Variants in BRWD1 observed in about 807,000 individuals in gnomAD.
BRWD1 encodes bromodomain and WD repeat-containing protein 1.
BRWD1 carries 82 observed loss-of-function variants against 251.2 expected under a neutral mutation model. That is an observed-to-expected ratio of 0.33 (90% CI 0.27 to 0.39). The LOEUF (loss-of-function observed/expected upper bound fraction) is 0.39, where lower values mean the gene tolerates loss of function less well. BRWD1 is among the 10% of genes least tolerant of loss of function. The pLI is 1.00. For missense variants in BRWD1, 2,233 were observed against 2,711.6 expected (o/e 0.82, Z 3.92); for synonymous variants, 918 against 902.8 (o/e 1.02, Z -0.30).
In BRWD1 at chr21:39,313,554, G is replaced by A. The variant is rs1296976172; in HGVS notation, c.-63C>T. The stretch of plus-strand genomic sequence containing the variant: ...AGCGGAGCGTGTAGGCCGCGCCGAG[G>A]CCTGACCGGGCTGGCGTCCCCTCTT... On this transcript the variant is annotated 5_prime_UTR_variant, in exon 1 of 41. Coordinates refer to ENST00000342449, the MANE Select transcript of BRWD1 (RefSeq NM_033656.4). 4.8e-6 allele frequency: 6 copies of A among 1,259,286 alleles called. No homozygotes were observed. Among genetic ancestry groups the A allele is most frequent in the Admixed American group, 8.5e-5 (2 of 23,478 alleles). The allele number at this position is 1,259,286 out of a possible 1,614,324, so 78.0% of individuals were successfully genotyped here. A position where few individuals can be genotyped will look rare whatever the true frequency, so the allele number is the denominator to read the frequency against.
In BRWD1 at chr21:39,198,923, A is replaced by C. The variant is rs756387695; in HGVS notation, c.5493T>G (p.Asp1831Glu). 5 of 1,613,928 alleles carry C rather than the reference A, an allele frequency of 3.1e-6. No individual in the cohort carries two copies. The highest frequency in any genetic ancestry group is 4.2e-6 in the Non-Finnish European group (5 of 1,180,018). The change falls in exon 40 of 41, where the codon GAT becomes GAG. Residue 1831 changes from aspartate to glutamate, a missense_variant. By Grantham distance (45) the Asp-to-Glu change is conservative (BLOSUM62 2). Transcript: ENST00000342449. ...TTTTATGACATTTCCCATCTTCTCT[A>C]TCTTGCTCTTCAGATTCAGAGTCTT... Reference protein sequence around the residue: ...DSEDSESEEQDREDGKCHKME... With the variant: ...DSEDSESEEQEREDGKCHKME...
At chr21:39,258,924 GCATGGAAA>G (rs1217348858) in intron 17 of BRWD1, among the ~76,000 whole-genome samples, 1 of 152,122 alleles carries the variant, frequency 6.6e-6, no homozygotes, top group African/African-American at 2.4e-5. Flanking sequence ...GCAAGTGGAA[GCATGGAAA>G]CATATTTCTG....
chr21:39,226,795 T>C (rs7276914), intron 27 of BRWD1, among the ~76,000 whole-genome samples: 2,327 of 152,282 alleles, frequency 0.015, 59 homozygotes, highest in African/African-American at 0.053. Context: ...TTAGGGACTT[T>C]ATCTAAAATT....
At chr21:39,257,343 A>G (rs2034592684) in intron 18 of BRWD1, among the ~76,000 whole-genome samples, 2 of 152,192 alleles carry the variant, frequency 1.3e-5, no homozygotes, top group East Asian at 3.8e-4. Flanking sequence ...CTGAGGACAT[A>G]GCATCAACTA....
At chr21:39,310,614 ATT>A (rs796581302) in intron 4 of BRWD1, among the ~76,000 whole-genome samples, 16 of 151,368 alleles carry the variant, frequency 1.1e-4, no homozygotes, top group African/African-American at 2.9e-4. Flanking sequence ...AAAAAAAAAA[ATT>A]ATTATTATTC....
At chr21:39,242,215 T>C (rs757866490) in intron 21 of BRWD1, among the ~76,000 whole-genome samples, 6 of 152,208 alleles carry the variant, frequency 3.9e-5, no homozygotes, top group Non-Finnish European at 8.8e-5. Flanking sequence ...CCAAGAAATA[T>C]AAAATGCTAT....
At chr21:39,245,729 A>G (rs1274896388) in intron 21 of BRWD1, among the ~76,000 whole-genome samples, 8 of 151,716 alleles carry the variant, frequency 5.3e-5, no homozygotes, top group Non-Finnish European at 1.5e-5. Context: ...CCTCCCAAAT[A>G]GCTGGGATCA....
At chr21:39,203,205 C>A (rs1276446150) in intron 37 of BRWD1, among the ~76,000 whole-genome samples, 2 of 152,134 alleles carry the variant, frequency 1.3e-5, no homozygotes, top group African/African-American at 4.8e-5. Context: ...AATCCCAGCA[C>A]TTTAGGAGGC....
chr21:39,280,930 A>T (rs1332194486), intron 8 of BRWD1, among the ~76,000 whole-genome samples: 1 of 152,240 alleles, frequency 6.6e-6, no homozygotes, highest in Non-Finnish European at 1.5e-5. Flanking sequence ...TAAAATACCA[A>T]AAGTGCTAAA....
chr21:39,296,696 G>T (rs2035970278), intron 5 of BRWD1: 3 of 874,730 alleles, frequency 3.4e-6, no homozygotes, highest in Non-Finnish European at 1.4e-6. Flanking sequence ...GAGGCTCAAA[G>T]GTTCCAGGAC....
chr21:39,250,709 A>C (rs1383894699), intron 20 of BRWD1, 87 bp downstream of exon 20: 2 of 840,138 alleles, frequency 2.4e-6, no homozygotes, highest in Non-Finnish European at 3.7e-6. Context: ...CTTCAGATGA[A>C]AGTTACTGAT....
chr21:39,222,523 C>T (rs1203017385), intron 29 of BRWD1, among the ~76,000 whole-genome samples: 1 of 152,108 alleles, frequency 6.6e-6, no homozygotes, highest in Non-Finnish European at 1.5e-5. Context: ...GTCAAATGGA[C>T]ATAGGAGCCA....
chr21:39,224,362 A>G lies in BRWD1; in HGVS notation c.3382+46T>C, dbSNP rs143835886. On this transcript the variant is annotated intron_variant, in intron 29 of 40. Transcript: ENST00000342449. The stretch of plus-strand genomic sequence containing the variant: ...GTTCCATGTGCACTGGCAAATGTAC[A>G]TATTATAAAAATAAAATGTTTTCAT... 6.1e-4 allele frequency: 726 copies of G among 1,187,588 alleles called. 3 individuals carry two copies. The African/African-American group carries it at 0.01, about 17-fold the overall frequency. The allele number at this position is 1,187,588 out of a possible 1,614,324, so 73.6% of individuals were successfully genotyped here. A position where few individuals can be genotyped will look rare whatever the true frequency, so the allele number is the denominator to read the frequency against.
intron 1 of BRWD1, among the ~76,000 whole-genome samples, chr21:39,319,216 T>C (rs892148318): frequency 6.6e-6 from 1 of 152,232 alleles, no homozygotes; most frequent in African/African-American, 2.4e-5. Flanking sequence ...TTTCTTCCTT[T>C]TAAGTCTAAC....
chr21:39,292,143 G>C (rs866851045), intron 8 of BRWD1, among the ~76,000 whole-genome samples: 2 of 94,674 alleles, frequency 2.1e-5, no homozygotes, highest in Admixed American at 1.3e-4. Context: ...GGGGGGGGGG[G>C]TCTCACTAAG....
At chr21:39,285,871 CAAAAAAAAAA>C (rs113834787) in intron 8 of BRWD1, among the ~76,000 whole-genome samples, 2 of 101,474 alleles carry the variant, frequency 2.0e-5, no homozygotes, top group African/African-American at 3.8e-5. Context: ...GCCCAGTCAA[CAAAAAAAAAA>C]AAAAAAAAAA....
chr21:39,230,165 T>A (rs1426214216), intron 25 of BRWD1, among the ~76,000 whole-genome samples: 1 of 152,208 alleles, frequency 6.6e-6, no homozygotes, highest in Non-Finnish European at 1.5e-5. Context: ...TAAGTAATAT[T>A]TGTTGAGAAT....
intron 10 of BRWD1, among the ~76,000 whole-genome samples, chr21:39,277,745 A>G (rs1459619021): frequency 1.3e-5 from 2 of 151,906 alleles, no homozygotes; most frequent in African/African-American, 4.8e-5. Context: ...TTGTATTTTT[A>G]GTAGAGATGG....
intron 1 of BRWD1, 70 bp from the exon 2 acceptor site, chr21:39,313,369 G>A: frequency 6.8e-7 from 1 of 1,478,374 alleles, no homozygotes; most frequent in Non-Finnish European, 9.0e-7. Context: ...GGGGAGCCGG[G>A]GGAGCCCGGG....
Sources: allele counts gnomAD v4.1 joint callset (sites outside exome capture counted in the v4.1 genomes callset), GRCh38; gene constraint gnomAD v4.1.1; transcripts MANE v1.5; gene names NCBI Gene and HGNC (gene_info 2026-07-23, HGNC 2026-07-21).